NRXN3: variants seen among roughly 807,000 people sequenced by gnomAD.
The protein encoded by NRXN3 is neurexin 3.
A neutral mutation model predicts 137.6 loss-of-function variants in NRXN3; 32 were observed. That is an observed-to-expected ratio of 0.23 (90% CI 0.18 to 0.31). The LOEUF (loss-of-function observed/expected upper bound fraction) is 0.31, where lower values mean the gene tolerates loss of function less well. Among genes scored for constraint, NRXN3 ranks in the 10% least tolerant of loss-of-function variants. The pLI, the probability that NRXN3 is intolerant of heterozygous loss-of-function variation, is 1.00. For missense variants in NRXN3, 1,574 were observed against 2,062.5 expected (o/e 0.76, Z 4.59); for synonymous variants, 798 against 784.5 (o/e 1.02, Z -0.29).
chr14:78,331,521 T>C (rs1269417715), intron 4 of NRXN3, among the ~76,000 whole-genome samples: 1 of 152,164 alleles, frequency 6.6e-6, no homozygotes, highest in Admixed American at 6.6e-5. Context: ...GTAGCTCCAA[T>C]CTCAGCAACA....
chr14:79,293,856 CT>C (rs953216624), intron 15 of NRXN3, among the ~76,000 whole-genome samples: 6 of 152,170 alleles, frequency 3.9e-5, no homozygotes, highest in African/African-American at 7.2e-5. Context: ...TTGATGAGAG[CT>C]TTTGAGCCTA....
intron 15 of NRXN3, among the ~76,000 whole-genome samples, chr14:79,315,139 A>T (rs1255901019): frequency 1.3e-5 from 2 of 152,128 alleles, no homozygotes; most frequent in East Asian, 3.9e-4. Flanking sequence ...TGTGCTGTTG[A>T]TTCCCACGGC....
intron 4 of NRXN3, among the ~76,000 whole-genome samples, chr14:78,328,934 G>T (rs1038908817): frequency 5.3e-5 from 8 of 152,148 alleles, no homozygotes; most frequent in African/African-American, 1.9e-4. Context: ...TGGGGTAGGG[G>T]TGGGGACAGG....
intron 1 of NRXN3, among the ~76,000 whole-genome samples, chr14:78,207,387 G>A (rs10132450): frequency 0.66 from 100,340 of 151,900 alleles, 33,333 homozygotes; most frequent in Middle Eastern, 0.72. Context: ...TACTGTTCAA[G>A]GGTGGATGAC....
chr14:78,547,958 TAAA>T (rs1190663868), intron 4 of NRXN3, among the ~76,000 whole-genome samples: 2 of 152,122 alleles, frequency 1.3e-5, no homozygotes, highest in Non-Finnish European at 2.9e-5. Context: ...AAAATTGAAA[TAAA>T]AGATGATTGC....
intron 4 of NRXN3, among the ~76,000 whole-genome samples, chr14:78,632,034 A>C (rs1363698874): frequency 6.6e-6 from 1 of 151,780 alleles, no homozygotes; most frequent in Non-Finnish European, 1.5e-5. Context: ...GAATGGTGTG[A>C]ACCCAGGAGG....
intron 15 of NRXN3, among the ~76,000 whole-genome samples, chr14:79,427,342 C>T (rs1316280474): frequency 6.6e-6 from 1 of 152,116 alleles, no homozygotes; most frequent in African/African-American, 2.4e-5. Flanking sequence ...TTCAACTTTC[C>T]TCGCAAGGTT....
intron 16 of NRXN3, among the ~76,000 whole-genome samples, chr14:79,626,105 G>A (rs1452684020): frequency 5.9e-5 from 9 of 152,174 alleles, no homozygotes; most frequent in African/African-American, 2.2e-4. Flanking sequence ...TCATTTTCAT[G>A]TCTCTGTAAC....
At chr14:79,509,120 G>A (rs2096907677) in intron 16 of NRXN3, among the ~76,000 whole-genome samples, 1 of 152,134 alleles carries the variant, frequency 6.6e-6, no homozygotes, top group Non-Finnish European at 1.5e-5. Context: ...GCTTGAACCT[G>A]GGAGGCGGAG....
At chr14:78,461,587 C>A (rs1465953671) in intron 4 of NRXN3, among the ~76,000 whole-genome samples, 1 of 152,118 alleles carries the variant, frequency 6.6e-6, no homozygotes, top group Non-Finnish European at 1.5e-5. Flanking sequence ...CCTGGGGGAC[C>A]ATTTTTAGTG....
At chr14:79,730,132 T>A (rs2098916520) in intron 19 of NRXN3, among the ~76,000 whole-genome samples, 1 of 152,174 alleles carries the variant, frequency 6.6e-6, no homozygotes, top group Non-Finnish European at 1.5e-5. Flanking sequence ...ATGCGGAGTT[T>A]GATAGGGAAG....
At chr14:78,430,794 G>GT (rs1279780234) in intron 4 of NRXN3, among the ~76,000 whole-genome samples, 1 of 152,188 alleles carries the variant, frequency 6.6e-6, no homozygotes, top group Non-Finnish European at 1.5e-5. Flanking sequence ...CACCAACCTT[G>GT]ACCAGACAGC....
chr14:78,235,000 A>ATATGTATATATATATATATATGTG (rs2066012776), intron 1 of NRXN3, among the ~76,000 whole-genome samples: 1 of 38,656 alleles, frequency 2.6e-5, no homozygotes, highest in Non-Finnish European at 4.9e-5. Context: ...GCTTTTATAT[A>ATATGTATATATATATATATATGTG]TATATATATA....
intron 16 of NRXN3, among the ~76,000 whole-genome samples, chr14:79,594,602 C>G (rs2153825614): frequency 6.6e-6 from 1 of 152,160 alleles, no homozygotes; most frequent in Non-Finnish European, 1.5e-5. Flanking sequence ...TTCTTGGCAA[C>G]TAATATTATG....
intron 15 of NRXN3, among the ~76,000 whole-genome samples, chr14:79,257,510 AGTGATGGTGGTGG>A (rs1568819620): frequency 3.1e-4 from 3 of 9,532 alleles, no homozygotes; most frequent in African/African-American, 5.2e-4. Context: ...TGGTGGTGGT[AGTGATGGTGGTGG>A]TGGTGGTGGT....
intron 15 of NRXN3, among the ~76,000 whole-genome samples, chr14:79,015,502 T>C (rs1343410824): frequency 6.6e-6 from 1 of 152,134 alleles, no homozygotes; most frequent in Non-Finnish European, 1.5e-5. Context: ...TTCTCTCTAG[T>C]GGATCTCTAC....
At chr14:79,299,408 A>G (rs931628348) in intron 15 of NRXN3, among the ~76,000 whole-genome samples, 1 of 152,140 alleles carries the variant, frequency 6.6e-6, no homozygotes, top group South Asian at 2.1e-4. Flanking sequence ...CTTTGCAAGC[A>G]ATATAGTCTC....
intron 15 of NRXN3, among the ~76,000 whole-genome samples, chr14:79,107,030 T>G (rs944001816): frequency 1.3e-5 from 2 of 152,180 alleles, no homozygotes; most frequent in Non-Finnish European, 1.5e-5. Flanking sequence ...GGCTTCCTTA[T>G]GCAGATTTAG....
chr14:78,547,200 C>T (rs1566710906), intron 4 of NRXN3, among the ~76,000 whole-genome samples: 1 of 125,626 alleles, frequency 8.0e-6, no homozygotes, highest in Admixed American at 8.5e-5. Context: ...TGTCATTGCT[C>T]TTTTTTTTTC....
Sources: gnomAD v4.1 joint callset for allele counts (sites outside exome capture counted in the v4.1 genomes callset) on GRCh38, gnomAD v4.1.1 for gene constraint, MANE v1.5 for transcripts, NCBI Gene and HGNC (gene_info 2026-07-23, HGNC 2026-07-21) for gene names.